Variants in SIGLEC11 observed in about 807,000 individuals in gnomAD.
SIGLEC11 encodes sialic acid-binding Ig-like lectin 11.
In SIGLEC11, 47 loss-of-function variants were observed where a neutral mutation model predicts 61.2. The observed-to-expected ratio is 0.77, with a 90% CI of 0.61 to 0.98. The LOEUF is 0.98. SIGLEC11 is among the 50% of genes least tolerant of loss of function. The pLI is 0.00. For missense variants in SIGLEC11, 610 were observed against 870.3 expected, an observed-to-expected ratio of 0.70 and a Z score of 3.76; for synonymous variants, 278 against 373.1, an observed-to-expected ratio of 0.75 and a Z score of 2.94.
rs2076159026 is a variant in SIGLEC11 at position 49,951,704 on chromosome 19, A to G, written c.1830+187T>C. Among the ~76,000 whole-genome samples the G allele has an allele frequency of 6.6e-6, 1 of 151,970 alleles. No individual in the cohort carries two copies. The highest frequency in any genetic ancestry group is 1.5e-5 in the Non-Finnish European group (1 of 67,960). On this transcript the variant is annotated intron_variant, in intron 10 of 10. Transcript: ENST00000447370. This position sits in a 1 kb window ranked among gnomAD's most constrained non-coding sequence, Gnocchi z 4.6. Reference sequence around the variant, plus strand: ...GGCCTGGGGGGCCCTTGGTTCTGGGAGGGGATGTAGGGAGCAGTGGGGAGG... The same window carrying G: ...GGCCTGGGGGGCCCTTGGTTCTGGGGGGGGATGTAGGGAGCAGTGGGGAGG...
chr19:49,959,168 G>A, intron 5 of SIGLEC11, 91 bp from the exon 6 acceptor site: 3 of 1,591,208 alleles, frequency 1.9e-6, no homozygotes, highest in Non-Finnish European at 2.6e-6. Context: ...TGGGGGAAGT[G>A]GGTGGGATAG....
intron 10 of SIGLEC11, 120 bp from the exon 11 acceptor site, chr19:49,950,356 G>T: frequency 9.1e-7 from 1 of 1,092,906 alleles, no homozygotes. Context: ...ATTCCACAAA[G>T]GTCAGCTGGG....
chr19:49,957,699 C>T lies in SIGLEC11; in HGVS notation c.1651+584G>A, dbSNP rs116832119. On this transcript the variant is annotated intron_variant, in intron 8 of 10. Coordinates refer to ENST00000447370, the MANE Select transcript of SIGLEC11 (RefSeq NM_052884.3). Reference sequence around the variant, plus strand: ...CGCTTTTGTTTTACTTTTGTAAGTCCGCTTATAAACACACTGCTTTAGCCG... The same window carrying T: ...CGCTTTTGTTTTACTTTTGTAAGTCTGCTTATAAACACACTGCTTTAGCCG... 2.6e-3 allele frequency among the ~76,000 whole-genome samples: 396 copies of T among 152,258 alleles called. 1 individual carries two copies. Among genetic ancestry groups the T allele is most frequent in the African/African-American group, 9.1e-3 (377 of 41,556 alleles).
At chr19:49,956,624 A>C (rs1198531690) in intron 8 of SIGLEC11, among the ~76,000 whole-genome samples, 1 of 152,172 alleles carries the variant, frequency 6.6e-6, no homozygotes, top group Non-Finnish European at 1.5e-5. Flanking sequence ...CAAAAATAAA[A>C]ATTAAAAAAA....
chr19:49,959,091 A>G lies in SIGLEC11; in HGVS notation c.1058-14T>C, dbSNP rs758114847. ...TCTCTGGAGGATCTGAAATGGAGAC[A>G]GGGGACCGGCTCTAGACAGACCAGG... On this transcript the variant is annotated splice_polypyrimidine_tract_variant and intron_variant, in intron 5 of 10. Coordinates refer to ENST00000447370, the MANE Select transcript of SIGLEC11 (RefSeq NM_052884.3). 9 of 1,613,716 alleles carry G rather than the reference A, an allele frequency of 5.6e-6. No individual in the cohort carries two copies. Among genetic ancestry groups the G allele is most frequent in the Non-Finnish European group, 7.6e-6 (9 of 1,179,802 alleles).
Position 49,960,686 on chromosome 19 carries a change from G to T in SIGLEC11, c.326C>A (p.Pro109His), listed in dbSNP as rs141545538. 8.9e-4 allele frequency: 1,440 copies of T among 1,610,496 alleles called. No homozygotes were observed. In the African/African-American group the frequency reaches 0.018, roughly 20 times the overall value. ...TRDRFQLTGD[P>H]GKGSCSLVIR... Reference sequence around the variant, plus strand: ...CACCAAGGAGCAGCTCCCTTTGCCGGGATCCCCAGTGAGCTGGAATCGGTC... The same window carrying T: ...CACCAAGGAGCAGCTCCCTTTGCCGTGATCCCCAGTGAGCTGGAATCGGTC... Residue 109 changes from proline (P) to histidine (H), a missense_variant, in exon 2 of 11, where the codon CCC (proline) becomes CAC (histidine). Physicochemically the swap from Pro to His is moderately conservative, Grantham distance 77 (BLOSUM62 -2). This residue lies in a region of SIGLEC11 where 99 missense variants were observed against 131.6 expected (regional missense o/e 0.75). Coordinates refer to ENST00000447370, the MANE Select transcript of SIGLEC11 (RefSeq NM_052884.3).
intron 8 of SIGLEC11, among the ~76,000 whole-genome samples, chr19:49,952,707 A>G (rs2076166777): frequency 6.6e-6 from 1 of 152,222 alleles, no homozygotes; most frequent in Admixed American, 6.5e-5. Context: ...ACAAGAAAGA[A>G]AAACAAATTC....
chr19:49,957,774 C>A (rs1277674178), intron 8 of SIGLEC11, among the ~76,000 whole-genome samples: 1 of 152,100 alleles, frequency 6.6e-6, no homozygotes, highest in Admixed American at 6.6e-5. Flanking sequence ...GGTCCAGGTG[C>A]GTGAATCACA....
At chr19:49,956,486 A>C (rs901936189) in intron 8 of SIGLEC11, among the ~76,000 whole-genome samples, 1 of 152,190 alleles carries the variant, frequency 6.6e-6, no homozygotes, top group Non-Finnish European at 1.5e-5. Context: ...AACAGTTGCC[A>C]GCTAAATGGA....
Position 49,951,762 on chromosome 19 carries a change from T to A in SIGLEC11, c.1830+129A>T. 1 of 752,028 alleles carries A rather than the reference T, an allele frequency of 1.3e-6. No homozygotes were observed. The highest frequency in any genetic ancestry group is 2.0e-6 in the Non-Finnish European group (1 of 490,226). The allele number at this position is 752,028 out of a possible 1,614,324, so 46.6% of individuals were successfully genotyped here. The stretch of plus-strand genomic sequence containing the variant: ...CCAGATCATGGGACTTGGGACTGCA[T>A]TGATGGGGACCCAGGAGCAAAACCC... On this transcript the variant is annotated intron_variant, in intron 10 of 10. Transcript: ENST00000447370. This position sits in a 1 kb window ranked among gnomAD's most constrained non-coding sequence, Gnocchi z 4.6.
chr19:49,951,728 G>A lies in SIGLEC11; in HGVS notation c.1830+163C>T, dbSNP rs960045045. Among the ~76,000 whole-genome samples the A allele has an allele frequency of 2.0e-5, 3 of 152,132 alleles. No homozygotes were observed. Among genetic ancestry groups the A allele is most frequent in the Non-Finnish European group, 4.4e-5 (3 of 68,016 alleles). ...GAGGGGATGTAGGGAGCAGTGGGGA[G>A]GGTGCCTCCCAGATCATGGGACTTG... On this transcript the variant is annotated intron_variant, in intron 10 of 10. Transcript: ENST00000447370. This position sits in a 1 kb window ranked among gnomAD's most constrained non-coding sequence, Gnocchi z 4.6.
intron 8 of SIGLEC11, 109 bp downstream of exon 8, chr19:49,958,174 C>T: frequency 6.7e-7 from 1 of 1,501,086 alleles, no homozygotes; most frequent in Non-Finnish European, 9.1e-7. Context: ...GACTTTGTCC[C>T]CATCCCTTCC....
chr19:49,956,003 C>A (rs914195117), intron 8 of SIGLEC11, among the ~76,000 whole-genome samples: 1 of 151,990 alleles, frequency 6.6e-6, no homozygotes, highest in African/African-American at 2.4e-5. Flanking sequence ...ATCCTGTTAC[C>A]AGAGCCCACT....
In SIGLEC11 at chr19:49,958,314, G is replaced by T; in HGVS notation, c.1620C>A (p.Ala540=). The T allele has an allele frequency of 6.2e-7, 1 of 1,614,166 alleles. No individual in the cohort carries two copies. Among genetic ancestry groups the T allele is most frequent in the Non-Finnish European group, 8.5e-7 (1 of 1,180,034 alleles). The change falls in exon 8 of 11, where the codon GCC becomes GCA. Residue 540 remains alanine, a synonymous_variant. Coordinates refer to ENST00000447370, the MANE Select transcript of SIGLEC11 (RefSeq NM_052884.3). ...LRCKAWNVHG[A]QSGSVFQLLP... is the part of the protein sequence containing the mutation. ...GCAGCTGGAAGACAGAGCCACTCTG[G>T]GCCCCGTGGACGTTCCAGGCCTTAC... is the stretch of plus-strand genomic sequence containing the variant.
At position 49,950,256 on chromosome 19, in the gene SIGLEC11, G is replaced by A. The variant is rs2076150957; in HGVS notation, c.1831-20C>T. Reference sequence around the variant, plus strand: ...GTGACCCTGAATGCAGGGGAGAAAGGGGGTCAAATTAGGGTCATGGGGGCT... The same window carrying A: ...GTGACCCTGAATGCAGGGGAGAAAGAGGGTCAAATTAGGGTCATGGGGGCT... On this transcript the variant is annotated intron_variant, in intron 10 of 10. Transcript: ENST00000447370. 4 of 1,540,056 alleles carry A rather than the reference G, an allele frequency of 2.6e-6. No homozygotes were observed. The Admixed American group carries it at 5.6e-5, about 21-fold the overall frequency.
In SIGLEC11 at chr19:49,949,919, C is replaced by G. The variant is rs2076147098; in HGVS notation, c.*51G>C. The G allele has an allele frequency of 7.3e-7, 1 of 1,372,276 alleles. No homozygotes were observed. The highest frequency in any genetic ancestry group is 3.3e-5 in the Admixed American group (1 of 30,694). 85.0% of individuals were successfully genotyped at this position (1,372,276 alleles called of 1,614,324 possible). ...TCTGAGTCCAGTTCTGGCCGTCACA[C>G]CAGTGCGACTCCCACACACTTGCTG... On this transcript the variant is annotated 3_prime_UTR_variant, in exon 11 of 11. Transcript: ENST00000447370.
rs2076142154 is a variant in SIGLEC11, at chr19:49,949,262, A to T, written c.*708T>A. On this transcript the variant is annotated 3_prime_UTR_variant, in exon 11 of 11. Transcript: ENST00000447370. The stretch of plus-strand genomic sequence containing the variant: ...CAGCCTCCCAAAGTGTTGAGATTAC[A>T]GGCGTGAGCCACCATGCCCAGCCTT... 6.6e-6 allele frequency: 1 copy of T among 151,216 alleles called. No homozygotes were observed. 9.4% of individuals were successfully genotyped at this position (151,216 alleles called of 1,614,324 possible). A position where few individuals can be genotyped will look rare whatever the true frequency, so the allele number is the denominator to read the frequency against.
chr19:49,954,297 C>T (rs775698859), intron 8 of SIGLEC11, among the ~76,000 whole-genome samples: 1 of 152,176 alleles, frequency 6.6e-6, no homozygotes, highest in African/African-American at 2.4e-5. Flanking sequence ...GCCTACCCCC[C>T]TTTACTGAGG....
rs1418035119 is a variant in SIGLEC11, at chr19:49,951,931, G to T, written c.1790C>A (p.Ala597Asp). 1.9e-6 allele frequency: 3 copies of T among 1,611,200 alleles called. No homozygotes were observed. Among genetic ancestry groups the T allele is most frequent in the Middle Eastern group, 3.3e-4 (2 of 6,048 alleles). The change falls in exon 10 of 11, where the codon GCT becomes GAT. Residue 597 changes from alanine (A) to aspartate (D), a missense_variant. Ala to Asp is a moderately radical substitution (Grantham distance 126, BLOSUM62 -2). This residue lies in a region of SIGLEC11 where 432 missense variants were observed against 441.5 expected (regional missense o/e 0.98). Transcript: ENST00000447370. This position sits in a 1 kb window ranked among gnomAD's most constrained non-coding sequence, Gnocchi z 4.6. ...CAGGGTGGAGGGCACGTCCTGCTCA[G>T]CTGCTGCCCTCTTGCGAGCTTCCTT... ...CRKEARKRAAAEQDVPSTLGP... is the reference protein window; with the variant it reads ...CRKEARKRAADEQDVPSTLGP...
Sources: gnomAD v4.1 joint callset for allele counts (sites outside exome capture counted in the v4.1 genomes callset) on GRCh38, gnomAD v4.1.1 for gene constraint, gnomAD v4.1.1 regional missense constraint, Gnocchi (gnomAD v3.1) non-coding constraint, MANE v1.5 for transcripts, NCBI Gene and HGNC (gene_info 2026-07-23, HGNC 2026-07-21) for gene names.